The following MDGA2 variants were observed in gnomAD, a reference collection of about 807,000 sequenced individuals.
MDGA2 encodes MAM domain containing glycosylphosphatidylinositol anchor 2.
Under a neutral mutation model 117.8 loss-of-function variants are expected in MDGA2, and 40 were observed. The ratio of observed to expected loss-of-function variants is 0.34; its 90% confidence interval spans 0.26 to 0.44. The LOEUF is 0.44. Among genes scored for constraint, MDGA2 ranks in the 20% least tolerant of loss-of-function variants. MDGA2 has a pLI of 1.00. For missense variants in MDGA2, 1,123 were observed against 1,250.6 expected (o/e 0.90, Z 1.54); for synonymous variants, 452 against 439.0 (o/e 1.03, Z -0.37).
intron 9 of MDGA2, among the ~76,000 whole-genome samples, chr14:46,925,063 T>A (rs1884275429): frequency 6.6e-6 from 1 of 152,192 alleles, no homozygotes; most frequent in Non-Finnish European, 1.5e-5. Flanking sequence ...CTAGAAAACA[T>A]TTGACTCTCA....
At chr14:47,543,853 A>C (rs1218483214) in intron 1 of MDGA2, among the ~76,000 whole-genome samples, 1 of 152,226 alleles carries the variant, frequency 6.6e-6, no homozygotes, top group Non-Finnish European at 1.5e-5. Context: ...TATAAAGAAG[A>C]GCAGGGGTCG....
intron 5 of MDGA2, among the ~76,000 whole-genome samples, chr14:47,123,899 GCTAA>G (rs915516513): frequency 6.6e-6 from 1 of 151,950 alleles, no homozygotes. Context: ...GTTTAGAGAA[GCTAA>G]CTATTAGTAA....
chr14:47,200,464 A>T (rs1029857717), intron 3 of MDGA2: 1 of 476,770 alleles, frequency 2.1e-6, no homozygotes, highest in Non-Finnish European at 3.6e-6. Context: ...ATATGACATT[A>T]GTTTTTAATT....
At chr14:47,662,066 T>A (rs1897860334) in intron 1 of MDGA2, among the ~76,000 whole-genome samples, 1 of 152,094 alleles carries the variant, frequency 6.6e-6, no homozygotes, top group South Asian at 2.1e-4. Context: ...GGTAATTTTG[T>A]AAACCCATGA....
chr14:47,168,666 TAA>T (rs1883991297), intron 3 of MDGA2, among the ~76,000 whole-genome samples: 1 of 152,136 alleles, frequency 6.6e-6, no homozygotes, highest in Admixed American at 6.6e-5. Flanking sequence ...CTGAATGTGC[TAA>T]GTTTTAGATT....
At chr14:47,200,534 C>CTTT (rs10639284) in intron 3 of MDGA2, 40,540 of 416,418 alleles carry the variant, frequency 0.097, 2,756 homozygotes, top group African/African-American at 0.26. Flanking sequence ...TTTTTCTTTT[C>CTTT]TTTTTTTTTT....
At chr14:47,487,537 C>A (rs999993047) in intron 1 of MDGA2, among the ~76,000 whole-genome samples, 3 of 152,160 alleles carry the variant, frequency 2.0e-5, no homozygotes, top group Admixed American at 1.3e-4. Context: ...ACTAACTTCA[C>A]TGAATAGTCA....
chr14:47,500,351 T>C (rs563061527), intron 1 of MDGA2, among the ~76,000 whole-genome samples: 1 of 152,146 alleles, frequency 6.6e-6, no homozygotes, highest in South Asian at 2.1e-4. Flanking sequence ...TCTCTATACA[T>C]TGGTAATAAG....
At chr14:47,562,355 T>C (rs1895832853) in intron 1 of MDGA2, among the ~76,000 whole-genome samples, 1 of 152,186 alleles carries the variant, frequency 6.6e-6, no homozygotes, top group South Asian at 2.1e-4. Flanking sequence ...ATCCATCTTG[T>C]CCTGGGAGTT....
intron 1 of MDGA2, among the ~76,000 whole-genome samples, chr14:47,391,549 T>G (rs965157086): frequency 6.6e-6 from 1 of 152,166 alleles, no homozygotes; most frequent in African/African-American, 2.4e-5. Flanking sequence ...CCATCTCACT[T>G]TGGACATCTG....
intron 3 of MDGA2, among the ~76,000 whole-genome samples, chr14:47,171,962 C>T (rs747335474): frequency 7.9e-5 from 12 of 152,170 alleles, no homozygotes; most frequent in Non-Finnish European, 1.5e-4. Context: ...GCTTTTCCGA[C>T]GGGCTTAAAA....
At chr14:47,367,342 G>A (rs1301785587) in intron 1 of MDGA2, among the ~76,000 whole-genome samples, 1 of 152,032 alleles carries the variant, frequency 6.6e-6, no homozygotes, top group Non-Finnish European at 1.5e-5. Flanking sequence ...GTCTCTGGCT[G>A]TACCAAAAAA....
chr14:47,480,409 A>G (rs1324028796), intron 1 of MDGA2, among the ~76,000 whole-genome samples: 1 of 152,052 alleles, frequency 6.6e-6, no homozygotes, highest in Non-Finnish European at 1.5e-5. Flanking sequence ...AGTAATACTT[A>G]ACGATTTATC....
chr14:46,992,247 G>C (rs1887119831), intron 8 of MDGA2, among the ~76,000 whole-genome samples: 1 of 151,978 alleles, frequency 6.6e-6, no homozygotes, highest in African/African-American at 2.4e-5. Flanking sequence ...AATCTAATTT[G>C]GAATTTTAAA....
At chr14:46,886,245 A>C (rs1029363928) in intron 10 of MDGA2, among the ~76,000 whole-genome samples, 1 of 152,148 alleles carries the variant, frequency 6.6e-6, no homozygotes, top group African/African-American at 2.4e-5. Flanking sequence ...GAAAATGGAA[A>C]ATGATCTATA....
At chr14:47,494,744 T>C (rs1894243330) in intron 1 of MDGA2, among the ~76,000 whole-genome samples, 1 of 151,884 alleles carries the variant, frequency 6.6e-6, no homozygotes, top group Admixed American at 6.6e-5. Flanking sequence ...CTGTATATGG[T>C]TATCCAATTT....
chr14:47,027,229 G>C (rs1888506417), intron 8 of MDGA2, among the ~76,000 whole-genome samples: 1 of 151,942 alleles, frequency 6.6e-6, no homozygotes, highest in South Asian at 2.1e-4. Context: ...GTTTCAAGGG[G>C]AGAAAATATC....
chr14:47,382,721 T>C (rs1267065219), intron 1 of MDGA2, among the ~76,000 whole-genome samples: 2 of 152,144 alleles, frequency 1.3e-5, no homozygotes, highest in Non-Finnish European at 2.9e-5. Context: ...CTGGAGAGGA[T>C]GTGGAGAAAT....
intron 1 of MDGA2, among the ~76,000 whole-genome samples, chr14:47,303,037 A>G (rs545674047): frequency 3.9e-5 from 6 of 152,282 alleles, no homozygotes; most frequent in African/African-American, 1.4e-4. Context: ...AGAACAAAAC[A>G]GTACTTCTAG....
Sources: allele counts gnomAD v4.1 joint callset (sites outside exome capture counted in the v4.1 genomes callset), GRCh38; gene constraint gnomAD v4.1.1; transcripts MANE v1.5; gene names NCBI Gene and HGNC (gene_info 2026-07-23, HGNC 2026-07-21).